CHST8: variants seen among roughly 807,000 people sequenced by gnomAD.
The protein encoded by CHST8 is GALNAC-4-ST1.
A neutral mutation model predicts 15.0 loss-of-function variants in CHST8; 10 were observed. That is an observed-to-expected ratio of 0.67 (90% CI 0.41 to 1.13). The LOEUF is 1.13. CHST8 is among the 50% of genes most tolerant of loss of function. The pLI is 0.00. For missense variants in CHST8, 634 were observed against 608.2 expected (o/e 1.04, Z -0.45); for synonymous variants, 259 against 256.6 (o/e 1.01, Z -0.09).
chr19:33,694,265 G>A (rs539301046), intron 3 of CHST8, among the ~76,000 whole-genome samples: 12 of 125,666 alleles, frequency 9.5e-5, no homozygotes, highest in Middle Eastern at 5.4e-3. Context: ...TAAATAGTTC[G>A]TTCTTTTAAT....
At chr19:33,723,628 G>A (rs55686100) in intron 3 of CHST8, among the ~76,000 whole-genome samples, 4,064 of 152,316 alleles carry the variant, frequency 0.027, 75 homozygotes, top group Middle Eastern at 0.051. Flanking sequence ...TAGAAGGAAG[G>A]CAGTCTGAGG....
intron 1 of CHST8, among the ~76,000 whole-genome samples, chr19:33,660,722 G>GCCT (rs1242781700): frequency 2.0e-5 from 3 of 152,068 alleles, no homozygotes; most frequent in Non-Finnish European, 4.4e-5. Flanking sequence ...GCATTAACCT[G>GCCT]CCTCCTTTCA....
At chr19:33,703,548 GC>G (rs1185571271) in intron 3 of CHST8, among the ~76,000 whole-genome samples, 2 of 152,220 alleles carry the variant, frequency 1.3e-5, no homozygotes, top group Non-Finnish European at 2.9e-5. Context: ...AGGGGCGGGC[GC>G]GGGCCCACAC....
intron 3 of CHST8, among the ~76,000 whole-genome samples, chr19:33,739,072 A>G (rs1974138971): frequency 6.6e-6 from 1 of 152,118 alleles, no homozygotes; most frequent in South Asian, 2.1e-4. Context: ...CTCCTTCTGA[A>G]ACCCACTTAC....
At chr19:33,628,190 G>A (rs1330178699) in intron 1 of CHST8, among the ~76,000 whole-genome samples, 2 of 152,116 alleles carry the variant, frequency 1.3e-5, no homozygotes, top group African/African-American at 2.4e-5. Context: ...GCAGGCACAG[G>A]CAAGAGCATG....
At chr19:33,680,189 A>G (rs1339150851) in intron 2 of CHST8, among the ~76,000 whole-genome samples, 1 of 152,232 alleles carries the variant, frequency 6.6e-6, no homozygotes, top group African/African-American at 2.4e-5. Flanking sequence ...TTTTACTTCA[A>G]AAGGTTATTG....
intron 3 of CHST8, among the ~76,000 whole-genome samples, chr19:33,706,968 A>G (rs901277370): frequency 6.6e-6 from 1 of 152,056 alleles, no homozygotes; most frequent in Non-Finnish European, 1.5e-5. Flanking sequence ...CTTATTTTAG[A>G]GACGTTTACT....
chr19:33,650,897 T>C (rs1972440047), intron 1 of CHST8, among the ~76,000 whole-genome samples: 1 of 151,990 alleles, frequency 6.6e-6, no homozygotes, highest in Non-Finnish European at 1.5e-5. Context: ...TTAGTAGAGA[T>C]GGGGGTTTCA....
chr19:33,658,002 T>C (rs1368788245), intron 1 of CHST8, among the ~76,000 whole-genome samples: 3 of 152,230 alleles, frequency 2.0e-5, no homozygotes, highest in Admixed American at 1.3e-4. Flanking sequence ...CTTATTGTTA[T>C]AACTGAGAAT....
intron 3 of CHST8, among the ~76,000 whole-genome samples, chr19:33,696,262 AC>A (rs965376165): frequency 3.3e-5 from 5 of 152,056 alleles, no homozygotes; most frequent in African/African-American, 1.2e-4. Context: ...CTGAGTAGAT[AC>A]CCAGGAGTGG....
chr19:33,692,129 A>G (rs1183533633), intron 3 of CHST8, among the ~76,000 whole-genome samples: 1 of 145,890 alleles, frequency 6.9e-6, no homozygotes, highest in Non-Finnish European at 1.5e-5. Context: ...AGACTTTTGT[A>G]AATCAAACCA....
rs144595206 is a variant in CHST8, at chr19:33,695,748, G to T, written c.130+6357G>T. 5.0e-3 allele frequency among the ~76,000 whole-genome samples: 727 copies of T among 146,262 alleles called. 5 individuals carry two copies. Among genetic ancestry groups the T allele is most frequent in the African/African-American group, 0.018 (703 of 39,562 alleles). Reference sequence around the variant, plus strand: ...AACTTGCTACAAAAGACATTATTTTGTTCCTTTTTATGGCTGAGTAGTATT... The same window carrying T: ...AACTTGCTACAAAAGACATTATTTTTTTCCTTTTTATGGCTGAGTAGTATT... On this transcript the variant is annotated intron_variant, in intron 3 of 4. Transcript: ENST00000650847.
Position 33,746,434 on chromosome 19 carries a change from A to T in CHST8, c.131-24979A>T, listed in dbSNP as rs188409726. 1.6e-3 allele frequency among the ~76,000 whole-genome samples: 250 copies of T among 152,320 alleles called. 1 individual carries two copies. The highest frequency in any genetic ancestry group is 4.8e-3 in the Admixed American group (73 of 15,308). On this transcript the variant is annotated intron_variant, in intron 3 of 4. Transcript: ENST00000650847. The stretch of plus-strand genomic sequence containing the variant: ...CCTGTTCTAGAATTTTACATAAGTG[A>T]GATCCTACAGTGTGTGTTCCTTTAT...
At chr19:33,639,085 CCA>C (rs2078389169) in intron 1 of CHST8, among the ~76,000 whole-genome samples, 1 of 81,220 alleles carries the variant, frequency 1.2e-5, no homozygotes, top group Non-Finnish European at 2.3e-5. Flanking sequence ...GTGATCCTGA[CCA>C]AAAAAAAAAA....
chr19:33,767,276 CCTGGG>C (rs1974869612), intron 3 of CHST8, among the ~76,000 whole-genome samples: 2 of 152,258 alleles, frequency 1.3e-5, no homozygotes, highest in Admixed American at 1.3e-4. Flanking sequence ...CTCCATGGCT[CCTGGG>C]CAGTGGGGAT....
intron 3 of CHST8, among the ~76,000 whole-genome samples, chr19:33,730,284 A>G (rs539399051): frequency 6.6e-6 from 1 of 152,364 alleles, no homozygotes; most frequent in South Asian, 2.1e-4. Flanking sequence ...TGCTGTGAAG[A>G]AACAGTCAGA....
intron 3 of CHST8, among the ~76,000 whole-genome samples, chr19:33,715,091 C>A (rs932212275): frequency 1.3e-5 from 2 of 152,194 alleles, no homozygotes; most frequent in Non-Finnish European, 2.9e-5. Flanking sequence ...TCATATTTGC[C>A]CTGTTGCCCT....
At chr19:33,771,861 G>A (rs1372544986) in intron 4 of CHST8, 96 bp from the exon 5 acceptor site, 29 of 1,418,116 alleles carry the variant, frequency 2.0e-5, no homozygotes, top group Non-Finnish European at 2.7e-5. Flanking sequence ...ACCTGAGAGG[G>A]ACAGGAACCC....
chr19:33,632,671 CA>C (rs1972137095), intron 1 of CHST8, among the ~76,000 whole-genome samples: 1 of 152,144 alleles, frequency 6.6e-6, no homozygotes, highest in Non-Finnish European at 1.5e-5. Context: ...AGAACCCCCC[CA>C]TGACCTCTTC....
Sources: allele counts gnomAD v4.1 joint callset (sites outside exome capture counted in the v4.1 genomes callset), GRCh38; gene constraint gnomAD v4.1.1; transcripts MANE v1.5; gene names NCBI Gene and HGNC (gene_info 2026-07-23, HGNC 2026-07-21).